The following LDB2 variants were observed in gnomAD, a reference collection of about 807,000 sequenced individuals.
LDB2 encodes the protein LIM domain binding 2.
In LDB2, 12 loss-of-function variants were observed where a neutral mutation model predicts 44.3. The observed-to-expected ratio is 0.27, with a 90% CI of 0.17 to 0.44. The LOEUF (loss-of-function observed/expected upper bound fraction) is 0.44. LDB2 is among the 20% of genes least tolerant of loss of function. The pLI is 1.00. For missense variants in LDB2, 344 were observed against 473.5 expected (o/e 0.73, Z 2.54); for synonymous variants, 164 against 174.8 (o/e 0.94, Z 0.49).
At chr4:16,788,660 G>A (rs1326096301) in intron 1 of LDB2, among the ~76,000 whole-genome samples, 1 of 152,236 alleles carries the variant, frequency 6.6e-6, no homozygotes, top group African/African-American at 2.4e-5. Context: ...GCAGAAGGGT[G>A]AGCACTGGTA....
chr4:16,665,497 C>A (rs922836525), intron 2 of LDB2, among the ~76,000 whole-genome samples: 2 of 152,092 alleles, frequency 1.3e-5, no homozygotes, highest in African/African-American at 4.8e-5. Context: ...GATCTCCTGA[C>A]CTCATGATCT....
chr4:16,764,016 A>C (rs1287983485), intron 1 of LDB2, among the ~76,000 whole-genome samples: 1 of 152,204 alleles, frequency 6.6e-6, no homozygotes, highest in Non-Finnish European at 1.5e-5. Context: ...TAGAGAATCT[A>C]AAATTCAAAA....
rs533903617 is a variant in LDB2, at chr4:16,705,288, C to T, written c.235+53870G>A. Among the ~76,000 whole-genome samples, 4 of 152,224 alleles carry T rather than the reference C, an allele frequency of 2.6e-5. No homozygotes were observed. The South Asian group carries it at 8.3e-4, about 32-fold the overall frequency. On this transcript the variant is annotated intron_variant, in intron 2 of 7. Transcript: ENST00000304523. ...AGTTCACATCCATGCCCTATGGCTTCTGACTTAGTTTAGCTCCTGTAAAAA... is the reference window on the plus strand; with the variant it reads ...AGTTCACATCCATGCCCTATGGCTTTTGACTTAGTTTAGCTCCTGTAAAAA...
chr4:16,568,668 A>T (rs190762420), intron 5 of LDB2, among the ~76,000 whole-genome samples: 1 of 152,326 alleles, frequency 6.6e-6, no homozygotes. Flanking sequence ...GTGCATACTC[A>T]GAGCCTTCCC....
At chr4:16,580,132 A>T (rs1560533012) in intron 5 of LDB2, among the ~76,000 whole-genome samples, 1 of 152,220 alleles carries the variant, frequency 6.6e-6, no homozygotes, top group Non-Finnish European at 1.5e-5. Flanking sequence ...GTGCAAAGGC[A>T]TGGAGGCAAG....
intron 4 of LDB2, 39 bp downstream of exon 4, chr4:16,588,671 A>C: frequency 6.2e-7 from 1 of 1,605,792 alleles, no homozygotes; most frequent in Non-Finnish European, 8.5e-7. Context: ...AAGGAGGAAA[A>C]AAAAGAAAAG....
intron 2 of LDB2, among the ~76,000 whole-genome samples, chr4:16,607,283 C>T (rs1435890591): frequency 6.6e-6 from 1 of 152,234 alleles, no homozygotes; most frequent in Non-Finnish European, 1.5e-5. Context: ...GCTCATTCAG[C>T]ATCCGCCACC....
chr4:16,532,952 G>C (rs1241515841), intron 5 of LDB2, among the ~76,000 whole-genome samples: 1 of 152,198 alleles, frequency 6.6e-6, no homozygotes, highest in African/African-American at 2.4e-5. Flanking sequence ...CCAGTCAACA[G>C]ACTCCAATAT....
At chr4:16,630,579 C>A (rs1359495173) in intron 2 of LDB2, among the ~76,000 whole-genome samples, 2 of 152,178 alleles carry the variant, frequency 1.3e-5, no homozygotes, top group African/African-American at 4.8e-5. Flanking sequence ...ATAAAATTCA[C>A]ACATAACAAT....
At chr4:16,882,816 G>T (rs1720541856) in intron 1 of LDB2, among the ~76,000 whole-genome samples, 1 of 151,994 alleles carries the variant, frequency 6.6e-6, no homozygotes. Flanking sequence ...ACACACAAGT[G>T]ATCATTTCCA....
chr4:16,694,329 G>T (rs1341905264), intron 2 of LDB2, among the ~76,000 whole-genome samples: 1 of 152,188 alleles, frequency 6.6e-6, no homozygotes, highest in Non-Finnish European at 1.5e-5. Flanking sequence ...CAGAAGAGAG[G>T]CTTTCTCTGC....
chr4:16,524,098 G>GA (rs1439285790), intron 5 of LDB2, among the ~76,000 whole-genome samples: 1 of 152,170 alleles, frequency 6.6e-6, no homozygotes, highest in African/African-American at 2.4e-5. Context: ...CGGTAGGATG[G>GA]AAAACAAATG....
intron 2 of LDB2, among the ~76,000 whole-genome samples, chr4:16,709,908 A>T (rs1755488105): frequency 6.6e-6 from 1 of 152,006 alleles, no homozygotes; most frequent in Non-Finnish European, 1.5e-5. Flanking sequence ...GCATCCATAC[A>T]CCCCTAGAGA....
intron 2 of LDB2, among the ~76,000 whole-genome samples, chr4:16,700,472 G>A (rs187491597): frequency 2.6e-5 from 4 of 152,262 alleles, no homozygotes; most frequent in Admixed American, 6.5e-5. Flanking sequence ...TCACTTACAC[G>A]TAAACACATT....
rs1416688255 is a variant in LDB2, at chr4:16,897,914, A to ATATACACATATG, written c.132+439_132+440insCATATGTGTATA. Among the ~76,000 whole-genome samples, 92 of 16,108 alleles carry ATATACACATATG rather than the reference A, an allele frequency of 5.7e-3. 3 individuals are homozygous for ATATACACATATG. Among genetic ancestry groups the ATATACACATATG allele is most frequent in the African/African-American group, 0.041 (88 of 2,142 alleles). 10.6% of individuals were successfully genotyped at this position (16,108 alleles called of 152,430 possible). ...AAAGAAAATATATATATATATATAT[A>ATATACACATATG]TATATATATATATATATATATATAC... On this transcript the variant is annotated intron_variant, in intron 1 of 7. Transcript: ENST00000304523.
rs967614800 is a variant in LDB2 at position 16,748,052 on chromosome 4, C to A, written c.235+11106G>T. Among the ~76,000 whole-genome samples, 8 of 152,236 alleles carry A rather than the reference C, an allele frequency of 5.3e-5. No individual in the cohort carries two copies. In the East Asian group the frequency reaches 5.8e-4, roughly 11 times the overall value. On this transcript the variant is annotated intron_variant, in intron 2 of 7. Coordinates refer to ENST00000304523, the MANE Select transcript of LDB2 (RefSeq NM_001290.5). ...TGTAAAAATAATGTAATATTGCTTT[C>A]AATAAAATGGAGAACAAATTTTGAT...
intron 2 of LDB2, among the ~76,000 whole-genome samples, chr4:16,751,951 G>C (rs1765573397): frequency 6.6e-6 from 1 of 152,194 alleles, no homozygotes; most frequent in Admixed American, 6.5e-5. Flanking sequence ...TTGGATGACA[G>C]AGTGAGACCT....
intron 2 of LDB2, among the ~76,000 whole-genome samples, chr4:16,666,137 A>T (rs1179162457): frequency 6.6e-6 from 1 of 152,220 alleles, no homozygotes; most frequent in Admixed American, 6.5e-5. Context: ...TAGCTGCGAC[A>T]TGAAACAGAA....
intron 1 of LDB2, among the ~76,000 whole-genome samples, chr4:16,777,960 G>C (rs1015998561): frequency 6.6e-6 from 1 of 152,006 alleles, no homozygotes; most frequent in African/African-American, 2.4e-5. Flanking sequence ...TTTCAATCTT[G>C]TCCCTGCCCT....
Sources: gnomAD v4.1 joint callset for allele counts (sites outside exome capture counted in the v4.1 genomes callset) on GRCh38, gnomAD v4.1.1 for gene constraint, MANE v1.5 for transcripts, NCBI Gene and HGNC (gene_info 2026-07-23, HGNC 2026-07-21) for gene names.